The following PCDHGA6 variants were observed in gnomAD, a reference collection of about 807,000 sequenced individuals.
The protein encoded by PCDHGA6 is protocadherin gamma subfamily A, 6, also known as protocadherin gamma-A6.
PCDHGA6 carries 41 observed loss-of-function variants against 60.6 expected under a neutral mutation model. That is an observed-to-expected ratio of 0.68 (90% CI 0.53 to 0.88). The LOEUF is 0.88. Among genes scored for constraint, PCDHGA6 ranks in the 40% least tolerant of loss-of-function variants. PCDHGA6 has a pLI of 0.00. For synonymous variants in PCDHGA6, 594 were observed against 524.4 expected, an observed-to-expected ratio of 1.13 and a Z score of -1.81; for missense variants, 1,312 against 1,203.0, an observed-to-expected ratio of 1.09 and a Z score of -1.34.
Position 141,485,274 on chromosome 5 carries a change from C to A in PCDHGA6, c.2425-9533C>A. 1 of 1,614,106 alleles carries A rather than the reference C, an allele frequency of 6.2e-7. No homozygotes were observed. The highest frequency in any genetic ancestry group is 1.3e-5 in the African/African-American group (1 of 75,036). ...TACGTTTGTGGGCAGATCCGCTACC[C>A]GGTCCCAGAGGAGTCACAGGAAGGG... On this transcript the variant is annotated intron_variant, in intron 1 of 3. Transcript: ENST00000517434. The surrounding 1 kb of genome is among the most constrained non-coding windows in gnomAD (Gnocchi z 5.7).
At position 141,431,433 on chromosome 5, in the gene PCDHGA6, C is replaced by T; in HGVS notation, c.2424+54926C>T. ...GGGGGCGACCCGGTGCGCACAGGCA[C>T]CGCGCGCATCCGCGTGATGGTTCTG... On this transcript the variant is annotated intron_variant, in intron 1 of 3. Transcript: ENST00000517434. This position sits in a 1 kb window ranked among gnomAD's most constrained non-coding sequence, Gnocchi z 4.8. 1.9e-6 allele frequency: 3 copies of T among 1,613,716 alleles called. No homozygotes were observed. The highest frequency in any genetic ancestry group is 2.5e-6 in the Non-Finnish European group (3 of 1,180,028).
At position 141,489,800 on chromosome 5, in the gene PCDHGA6, A is replaced by T. The variant is rs2099692478; in HGVS notation, c.2425-5007A>T. 1 of 1,614,166 alleles carries T rather than the reference A, an allele frequency of 6.2e-7. No homozygotes were observed. Among genetic ancestry groups the T allele is most frequent in the Non-Finnish European group, 8.5e-7 (1 of 1,179,994 alleles). On this transcript the variant is annotated intron_variant, in intron 1 of 3. Coordinates refer to ENST00000517434, the MANE Select transcript of PCDHGA6 (RefSeq NM_018919.3). This position sits in a 1 kb window ranked among gnomAD's most constrained non-coding sequence, Gnocchi z 4.5. ...TCTCTGAATGTGAAGACCCTAAAAG[A>T]TGGGAAGCCATTCCCAGAGCTGGTG...
In PCDHGA6 at chr5:141,376,103, G is replaced by T. The variant is rs1035502137; in HGVS notation, c.2020G>T (p.Asp674Tyr). 3.1e-6 allele frequency: 5 copies of T among 1,613,624 alleles called. No individual in the cohort carries two copies. The highest frequency in any genetic ancestry group is 2.7e-5 in the African/African-American group (2 of 74,928). The change falls in exon 1 of 4, where the codon GAC becomes TAC. Residue 674 changes from aspartate (D) to tyrosine (Y), a missense_variant. Asp to Tyr is a radical substitution (Grantham distance 160). Transcript: ENST00000517434. The part of the protein sequence containing the change: ...VADRIPDILA[D>Y]LGSLEPSAKP... ...CGACAGGATCCCCGACATCCTGGCC[G>T]ACCTGGGCAGCCTCGAGCCCTCCGC...
intron 1 of PCDHGA6, chr5:141,403,598 G>T: frequency 6.2e-7 from 1 of 1,613,820 alleles, no homozygotes; most frequent in Non-Finnish European, 8.5e-7. Context: ...CACGGCCTCG[G>T]ATGGCGGCGA....
chr5:141,434,026 A>G (rs2154556044), intron 1 of PCDHGA6, among the ~76,000 whole-genome samples: 1 of 152,236 alleles, frequency 6.6e-6, no homozygotes, highest in Admixed American at 6.5e-5. Flanking sequence ...TGATTCTGGA[A>G]GCATGGTTTT....
chr5:141,399,708 A>G lies in PCDHGA6; in HGVS notation c.2424+23201A>G, dbSNP rs769072460. On this transcript the variant is annotated intron_variant, in intron 1 of 3. Transcript: ENST00000517434. ...AGCAGCTGCGCACCTTCGAACTCAC[A>G]CTACAGGCCCGCGACCAGGGCTCGC... 5.6e-6 allele frequency: 9 copies of G among 1,613,256 alleles called. No homozygotes were observed. In the African/African-American group the frequency reaches 8.0e-5, roughly 14 times the overall value.
intron 1 of PCDHGA6, chr5:141,423,156 C>T (rs62378456): frequency 0.034 from 55,171 of 1,613,388 alleles, 1,070 homozygotes; most frequent in Middle Eastern, 0.098. Context: ...AGCAGAGCCT[C>T]GTGGTGGCCG....
chr5:141,417,871 C>T (rs1317007566), intron 1 of PCDHGA6: 1 of 1,554,006 alleles, frequency 6.4e-7, no homozygotes, highest in African/African-American at 1.4e-5. Context: ...TGGGAGGGAG[C>T]TGCGCGCAGA....
At chr5:141,386,956 G>A (rs1561613070) in intron 1 of PCDHGA6, among the ~76,000 whole-genome samples, 1 of 152,208 alleles carries the variant, frequency 6.6e-6, no homozygotes, top group Non-Finnish European at 1.5e-5. Context: ...CTTCAGTGCA[G>A]CAGATCTCAG....
intron 1 of PCDHGA6, among the ~76,000 whole-genome samples, chr5:141,473,915 A>G (rs1366378437): frequency 3.3e-5 from 5 of 152,162 alleles, no homozygotes; most frequent in Non-Finnish European, 5.9e-5. Flanking sequence ...GTCTTAAGAA[A>G]ACTATGAGCT....
chr5:141,389,604 G>A, intron 1 of PCDHGA6: 1 of 1,613,156 alleles, frequency 6.2e-7, no homozygotes, highest in Non-Finnish European at 8.5e-7. Flanking sequence ...TGCGCTCTTC[G>A]ATATGGTGCC....
At chr5:141,446,055 G>A (rs1431833512) in intron 1 of PCDHGA6, among the ~76,000 whole-genome samples, 1 of 152,190 alleles carries the variant, frequency 6.6e-6, no homozygotes, top group Non-Finnish European at 1.5e-5. Flanking sequence ...AGCTGGCTTG[G>A]ATTAAAGGGG....
chr5:141,427,881 C>T (rs774499492), intron 1 of PCDHGA6: 6 of 1,563,720 alleles, frequency 3.8e-6, no homozygotes, highest in South Asian at 3.3e-5. Context: ...GATGCAGGCC[C>T]ACGACCAGGG....
chr5:141,409,220 G>A (rs1327857530), intron 1 of PCDHGA6: 1 of 1,613,988 alleles, frequency 6.2e-7, no homozygotes, highest in Non-Finnish European at 8.5e-7. Context: ...AATCCTTGAT[G>A]AAAACGACAA....
intron 3 of PCDHGA6, among the ~76,000 whole-genome samples, chr5:141,509,776 C>T (rs898626809): frequency 7.2e-5 from 11 of 152,140 alleles, no homozygotes; most frequent in African/African-American, 9.7e-5. Context: ...GTCTAGTCCC[C>T]GAGATCATCA....
intron 1 of PCDHGA6, among the ~76,000 whole-genome samples, chr5:141,467,854 T>C (rs1337373000): frequency 6.6e-6 from 1 of 151,968 alleles, no homozygotes; most frequent in Admixed American, 6.6e-5. Flanking sequence ...GAATGAGATT[T>C]CACCATGTTG....
In PCDHGA6 at chr5:141,383,047, A is replaced by T. The variant is rs373552606; in HGVS notation, c.2424+6540A>T. ...AGGGTCCTTTGTGGGAGACATCGCCAAGGACCTGGGGCTGGAGCCCCGGGA... is the reference window on the plus strand; with the variant it reads ...AGGGTCCTTTGTGGGAGACATCGCCTAGGACCTGGGGCTGGAGCCCCGGGA... On this transcript the variant is annotated intron_variant, in intron 1 of 3. Coordinates refer to ENST00000517434, the MANE Select transcript of PCDHGA6 (RefSeq NM_018919.3). The T allele has an allele frequency of 1.6e-5, 26 of 1,613,752 alleles. No individual in the cohort carries two copies. The African/African-American group carries it at 2.9e-4, about 18-fold the overall frequency.
chr5:141,375,834 C>G lies in PCDHGA6; in HGVS notation c.1751C>G (p.Pro584Arg), dbSNP rs1167436208. The change falls in exon 1 of 4, where the codon CCC becomes CGC. Residue 584 changes from proline to arginine, a missense_variant. By Grantham distance (103) the Pro-to-Arg change is moderately radical. Transcript: ENST00000517434. ...GAGCTGGCGCCCCGCTCCGCAGAGC[C>G]CGGCTACCTGGTGACCAAGGTGGTG... is the stretch of plus-strand genomic sequence containing the variant. The part of the protein sequence containing the change: ...GVELAPRSAE[P>R]GYLVTKVVAV... The G allele has an allele frequency of 2.1e-5, 34 of 1,614,138 alleles. No individual in the cohort carries two copies. The highest frequency in any genetic ancestry group is 2.7e-5 in the African/African-American group (2 of 75,080).
chr5:141,412,183 C>A (rs1243084028), intron 1 of PCDHGA6: 1 of 152,188 alleles, frequency 6.6e-6, no homozygotes, highest in African/African-American at 2.4e-5. Context: ...GGTATTAATG[C>A]TCTGATGAAA....
Sources: allele counts gnomAD v4.1 joint callset (sites outside exome capture counted in the v4.1 genomes callset), GRCh38; gene constraint gnomAD v4.1.1; non-coding constraint Gnocchi (gnomAD v3.1); transcripts MANE v1.5; gene names NCBI Gene and HGNC (gene_info 2026-07-23, HGNC 2026-07-21).